The following NBAS variants were observed in gnomAD, a reference collection of about 807,000 sequenced individuals.
NBAS encodes the protein NAG/BC035112 fusion.
NBAS carries 219 observed loss-of-function variants against 302.5 expected under a neutral mutation model. The observed-to-expected ratio is 0.72, with a 90% CI of 0.65 to 0.81. NBAS has a LOEUF of 0.81. Among genes scored for constraint, NBAS ranks in the 30% least tolerant of loss-of-function variants. The probability of loss-of-function intolerance (pLI) is 0.00; values close to 1 mark genes in which losing one functional copy is unlikely to be tolerated. For missense variants in NBAS, 2,932 were observed against 2,841.6 expected (o/e 1.03, Z -0.72); for synonymous variants, 1,118 against 1,021.6 (o/e 1.09, Z -1.80).
chr2:15,493,631 C>T (rs1430323605), intron 11 of NBAS, among the ~76,000 whole-genome samples: 2 of 150,348 alleles, frequency 1.3e-5, no homozygotes, highest in African/African-American at 4.9e-5. Context: ...CACGCCATTG[C>T]ACTGCAGCCT....
At chr2:14,901,608 C>A in the NBAS span, among the ~76,000 whole-genome samples, 3 of 152,110 alleles carry the variant, frequency 2.0e-5, no homozygotes, top group Non-Finnish European at 4.4e-5. Flanking sequence ...ATACTGAACT[C>A]ATCCTTTGCA....
intron 29 of NBAS, among the ~76,000 whole-genome samples, chr2:15,380,175 T>C (rs1674963632): frequency 6.6e-6 from 1 of 152,240 alleles, no homozygotes; most frequent in Non-Finnish European, 1.5e-5. Flanking sequence ...ACACATACTG[T>C]CCCACTCTCA....
chr2:15,144,782 T>A, the NBAS span, among the ~76,000 whole-genome samples: 1 of 152,354 alleles, frequency 6.6e-6, no homozygotes, highest in East Asian at 1.9e-4. Flanking sequence ...TATGTTACGA[T>A]ACAGGTGGTT....
chr2:14,927,498 T>A, the NBAS span, among the ~76,000 whole-genome samples: 1 of 152,228 alleles, frequency 6.6e-6, no homozygotes, highest in East Asian at 1.9e-4. Flanking sequence ...TGTTGGCTAT[T>A]ATGAATAATG....
the NBAS span, among the ~76,000 whole-genome samples, chr2:14,875,058 T>C: frequency 6.6e-6 from 1 of 152,110 alleles, no homozygotes; most frequent in Admixed American, 6.5e-5. Flanking sequence ...TAAGTATACT[T>C]AATGGTAATA....
chr2:15,475,666 A>G (rs772890645), intron 14 of NBAS, 21 bp downstream of exon 14: 2 of 1,612,228 alleles, frequency 1.2e-6, no homozygotes, highest in Non-Finnish European at 1.7e-6. Context: ...CTATTCTCAA[A>G]CAAACAGGAA....
At chr2:15,451,253 C>T (rs552996668) in intron 21 of NBAS, among the ~76,000 whole-genome samples, 2 of 152,182 alleles carry the variant, frequency 1.3e-5, no homozygotes, top group South Asian at 2.1e-4. Flanking sequence ...CGTCTTACTA[C>T]ATTGCCCAGC....
intron 44 of NBAS, among the ~76,000 whole-genome samples, chr2:15,274,989 G>A (rs995931411): frequency 9.3e-5 from 14 of 151,178 alleles, no homozygotes; most frequent in African/African-American, 3.4e-4. Context: ...CACCATATTG[G>A]CCAGGCTGGT....
rs1184489023 is a variant in NBAS, at chr2:15,536,498, T to C, written c.567A>G (p.Leu189=). ...ACCACTGTGCACTTGCTTTATATTCTAAAAATATCAACCCAGCAATGGCAT... is the reference window on the plus strand; with the variant it reads ...ACCACTGTGCACTTGCTTTATATTCCAAAAATATCAACCCAGCAATGGCAT... ...LSYAIAGLIF[L]EYKASAQWSA... The change falls in exon 8 of 52, where the codon TTA becomes TTG. Residue 189 remains leucine (L), a synonymous_variant. Transcript: ENST00000281513. 6.2e-7 allele frequency: 1 copy of C among 1,612,756 alleles called. No individual in the cohort carries two copies. The highest frequency in any genetic ancestry group is 2.2e-5 in the East Asian group (1 of 44,854).
chr2:14,947,235 T>C, the NBAS span, among the ~76,000 whole-genome samples: 60 of 152,084 alleles, frequency 3.9e-4, no homozygotes, highest in African/African-American at 1.3e-3. Context: ...AAAGTTGATT[T>C]TCTTAAAAAG....
At chr2:15,386,018 A>C (rs931253114) in intron 28 of NBAS, among the ~76,000 whole-genome samples, 3 of 152,222 alleles carry the variant, frequency 2.0e-5, no homozygotes, top group Non-Finnish European at 4.4e-5. Flanking sequence ...AGCTATAAAG[A>C]AATCTTAAGG....
the NBAS span, among the ~76,000 whole-genome samples, chr2:14,865,297 G>C: frequency 6.7e-6 from 1 of 148,772 alleles, no homozygotes; most frequent in Non-Finnish European, 1.5e-5. Flanking sequence ...CCTGTTCTTA[G>C]TAATTTACAT....
chr2:14,848,507 C>A, the NBAS span, among the ~76,000 whole-genome samples: 1 of 144,234 alleles, frequency 6.9e-6, no homozygotes, highest in East Asian at 1.9e-4. Context: ...GGGAGGGGCG[C>A]CCGCCATTGC....
the NBAS span, among the ~76,000 whole-genome samples, chr2:14,919,660 C>G: frequency 6.6e-6 from 1 of 152,124 alleles, no homozygotes; most frequent in South Asian, 2.1e-4. Context: ...AATCTAAATC[C>G]TTTCTAGTCA....
chr2:15,077,323 C>T, the NBAS span, among the ~76,000 whole-genome samples: 2 of 152,162 alleles, frequency 1.3e-5, no homozygotes, highest in East Asian at 3.8e-4. Context: ...CAGGTCCCTC[C>T]CTCAACTCGT....
the NBAS span, among the ~76,000 whole-genome samples, chr2:14,906,708 C>T: frequency 2.0e-5 from 3 of 152,192 alleles, no homozygotes; most frequent in Non-Finnish European, 4.4e-5. Flanking sequence ...TGGCCTGGCT[C>T]TCAGGGCTCA....
At chr2:15,196,466 C>G (rs1027568903) in intron 48 of NBAS, among the ~76,000 whole-genome samples, 1 of 152,092 alleles carries the variant, frequency 6.6e-6, no homozygotes, top group African/African-American at 2.4e-5. Flanking sequence ...TTATTTCTTA[C>G]AACTGGATAT....
chr2:14,881,699 T>C, the NBAS span, among the ~76,000 whole-genome samples: 1 of 152,234 alleles, frequency 6.6e-6, no homozygotes, highest in Non-Finnish European at 1.5e-5. Context: ...GCCACCTGTT[T>C]TTGTTTTCAT....
At chr2:15,091,953 G>T in the NBAS span, among the ~76,000 whole-genome samples, 127,307 of 152,184 alleles carry the variant, frequency 0.84, 53,731 homozygotes, top group South Asian at 0.93. Flanking sequence ...TATCAGTAAA[G>T]CTTCTGGTTA....
Sources: gnomAD v4.1 joint callset for allele counts (sites outside exome capture counted in the v4.1 genomes callset) on GRCh38, gnomAD v4.1.1 for gene constraint, MANE v1.5 for transcripts, NCBI Gene and HGNC (gene_info 2026-07-23, HGNC 2026-07-21) for gene names.